CSGALNACT1: variants seen among roughly 807,000 people sequenced by gnomAD.
CSGALNACT1 encodes the protein chondroitin sulfate N-acetylgalactosaminyltransferase 1.
A neutral mutation model predicts 51.0 loss-of-function variants in CSGALNACT1; 52 were observed. That is an observed-to-expected ratio of 1.02 (90% CI 0.82 to 1.29). CSGALNACT1 has a LOEUF of 1.29. Among genes scored for constraint, CSGALNACT1 ranks in the 50% most tolerant of loss-of-function variants. The probability of loss-of-function intolerance (pLI) is 0.00; values close to 1 mark genes in which losing one functional copy is unlikely to be tolerated. For synonymous variants in CSGALNACT1, 341 were observed against 254.4 expected (o/e 1.34, Z -3.24); for missense variants, 935 against 679.2 (o/e 1.38, Z -4.19).
rs1356008537 is a variant in CSGALNACT1 at position 19,550,924 on chromosome 8, G to A, written c.-297+40236C>T. Among the ~76,000 whole-genome samples the A allele has an allele frequency of 2.6e-5, 4 of 152,164 alleles. No homozygotes were observed. In the South Asian group the frequency reaches 8.3e-4, roughly 32 times the overall value. ...TACTGTTTCCAAGTCCAAGGCTTCTGGAAAACATACCTGCAAGGGTATTTG... is the reference window on the plus strand; with the variant it reads ...TACTGTTTCCAAGTCCAAGGCTTCTAGAAAACATACCTGCAAGGGTATTTG... On this transcript the variant is annotated intron_variant, in intron 3 of 9. Coordinates refer to ENST00000454498, the Ensembl canonical transcript of CSGALNACT1.
At chr8:19,590,640 CTTTTTTTTTTTTTTTTT>C (rs34859554) in intron 3 of CSGALNACT1, among the ~76,000 whole-genome samples, 1 of 68,970 alleles carries the variant, frequency 1.4e-5, no homozygotes, top group South Asian at 7.3e-4. Context: ...GACCTAACTA[CTTTTTTTTTTTTTTTTT>C]TTTTTTTTTG....
chr8:19,404,589 G>A (rs2053783357), exon 10 of CSGALNACT1: 1 of 439,694 alleles, frequency 2.3e-6, no homozygotes, highest in Non-Finnish European at 4.5e-6. Flanking sequence ...GATTCTGGCA[G>A]ATGGATTGAT....
chr8:19,745,147 GA>G (rs1451510915), intron 1 of CSGALNACT1, among the ~76,000 whole-genome samples: 1 of 152,108 alleles, frequency 6.6e-6, no homozygotes, highest in Non-Finnish European at 1.5e-5. Flanking sequence ...TGTATGTGTT[GA>G]AAAAATAAAT....
chr8:19,625,672 A>T (rs1445487652), intron 1 of CSGALNACT1, among the ~76,000 whole-genome samples: 1 of 152,240 alleles, frequency 6.6e-6, no homozygotes, highest in Non-Finnish European at 1.5e-5. Flanking sequence ...GCAACACAAC[A>T]GTGAAATTCT....
intron 3 of CSGALNACT1, among the ~76,000 whole-genome samples, chr8:19,540,337 T>C (rs2084802861): frequency 6.6e-6 from 1 of 152,208 alleles, no homozygotes; most frequent in African/African-American, 2.4e-5. Flanking sequence ...GTATTTATTC[T>C]TTAGTGTTAC....
chr8:19,451,626 T>A (rs2063199160), intron 5 of CSGALNACT1, among the ~76,000 whole-genome samples: 1 of 152,234 alleles, frequency 6.6e-6, no homozygotes, highest in African/African-American at 2.4e-5. Context: ...TGAGCTGTTT[T>A]CTGCAGACCT....
rs968850502 is a variant in CSGALNACT1 at position 19,420,535 on chromosome 8, G to A, written c.954-17C>T. ...TTGGCAGCTCTGAAAGGCAAGACCA[G>A]GTACTGTCACTCACATTCCCACATG... On this transcript the variant is annotated splice_polypyrimidine_tract_variant and intron_variant, in intron 6 of 9. Coordinates refer to ENST00000454498, the Ensembl canonical transcript of CSGALNACT1. 1 of 1,612,734 alleles carries A rather than the reference G, an allele frequency of 6.2e-7. No individual in the cohort carries two copies. The highest frequency in any genetic ancestry group is 1.3e-5 in the African/African-American group (1 of 74,874).
At chr8:19,727,111 C>T (rs1288189336) in intron 1 of CSGALNACT1, among the ~76,000 whole-genome samples, 1 of 152,034 alleles carries the variant, frequency 6.6e-6, no homozygotes, top group African/African-American at 2.4e-5. Context: ...GGGAAGGCAC[C>T]CGACCTGCTT....
At chr8:19,692,315 C>A (rs56018532) in intron 1 of CSGALNACT1, among the ~76,000 whole-genome samples, 23,217 of 152,192 alleles carry the variant, frequency 0.15, 1,995 homozygotes, top group East Asian at 0.35. Flanking sequence ...GCAATGTTAC[C>A]TGCCCTTCAG....
At chr8:19,616,304 C>G (rs186168686) in intron 1 of CSGALNACT1, among the ~76,000 whole-genome samples, 2 of 152,152 alleles carry the variant, frequency 1.3e-5, no homozygotes, top group Admixed American at 1.3e-4. Flanking sequence ...CCAAGATAAA[C>G]GAAAACATGG....
intron 1 of CSGALNACT1, among the ~76,000 whole-genome samples, chr8:19,739,649 G>A (rs982868747): frequency 1.3e-5 from 2 of 152,192 alleles, no homozygotes; most frequent in South Asian, 2.1e-4. Context: ...GGGGCAGACC[G>A]TTCCTCTGCC....
intron 8 of CSGALNACT1, among the ~76,000 whole-genome samples, chr8:19,412,920 C>T (rs1437642541): frequency 6.6e-6 from 1 of 152,074 alleles, no homozygotes; most frequent in Non-Finnish European, 1.5e-5. Flanking sequence ...ATGCCCTCTT[C>T]TTGTGGCTTC....
rs141225654 is a variant in CSGALNACT1 at position 19,577,027 on chromosome 8, G to C, written c.-297+14133C>G. ...CCTCCACACCCACCTCAAAAGCATG[G>C]AAACATCCAAACCCCCTTAGACTCT... On this transcript the variant is annotated intron_variant, in intron 3 of 9. Coordinates refer to ENST00000454498, the Ensembl canonical transcript of CSGALNACT1. 3.1e-3 allele frequency among the ~76,000 whole-genome samples: 470 copies of C among 152,062 alleles called. 1 individual carries two copies. The highest frequency in any genetic ancestry group is 0.011 in the African/African-American group (443 of 41,448).
Position 19,565,349 on chromosome 8 carries a change from T to C in CSGALNACT1, c.-297+25811A>G, listed in dbSNP as rs77771992. ...CTCCTCTGGCATAAACTGTCACCTC[T>C]CCAGGCAGTGTAGCAGGACTGCCTA... is the stretch of plus-strand genomic sequence containing the variant. On this transcript the variant is annotated intron_variant, in intron 3 of 9. Transcript: ENST00000454498. Among the ~76,000 whole-genome samples the C allele has an allele frequency of 8.4e-4, 128 of 152,254 alleles. 1 individual carries two copies. The East Asian group carries it at 0.022, about 26-fold the overall frequency.
At chr8:19,486,892 G>A (rs184402510) in intron 4 of CSGALNACT1, among the ~76,000 whole-genome samples, 12 of 152,238 alleles carry the variant, frequency 7.9e-5, no homozygotes, top group South Asian at 4.1e-4. Flanking sequence ...AGTACCTGGC[G>A]CACAGTAGCT....
At chr8:19,736,987 T>C (rs897471259) in intron 1 of CSGALNACT1, among the ~76,000 whole-genome samples, 2 of 151,610 alleles carry the variant, frequency 1.3e-5, no homozygotes, top group African/African-American at 2.4e-5. Context: ...AGAGTAGAGA[T>C]AGGAAAAACA....
At chr8:19,423,008 C>G (rs77656256) in intron 6 of CSGALNACT1, among the ~76,000 whole-genome samples, 2,408 of 152,288 alleles carry the variant, frequency 0.016, 56 homozygotes, top group African/African-American at 0.055. Flanking sequence ...TATCTTCTAA[C>G]TTTCAGAGCA....
At chr8:19,448,116 A>G (rs1352282563) in intron 5 of CSGALNACT1, among the ~76,000 whole-genome samples, 4 of 152,216 alleles carry the variant, frequency 2.6e-5, no homozygotes, top group Non-Finnish European at 5.9e-5. Flanking sequence ...ATCACTGAGG[A>G]TACCTAGAAA....
chr8:19,578,830 A>C (rs1255170364), intron 3 of CSGALNACT1, among the ~76,000 whole-genome samples: 2 of 152,120 alleles, frequency 1.3e-5, no homozygotes, highest in African/African-American at 4.8e-5. Flanking sequence ...GCCAAATCCC[A>C]ACATTTTTGA....
Sources: gnomAD v4.1 joint callset for allele counts (sites outside exome capture counted in the v4.1 genomes callset) on GRCh38, gnomAD v4.1.1 for gene constraint, MANE v1.5 for transcripts, NCBI Gene and HGNC (gene_info 2026-07-23, HGNC 2026-07-21) for gene names.